The following ASIC2 variants were observed in gnomAD, a reference collection of about 807,000 sequenced individuals.
ASIC2 encodes the protein acid-sensing ion channel 2.
ASIC2 carries 25 observed loss-of-function variants against 57.3 expected under a neutral mutation model. The ratio of observed to expected loss-of-function variants is 0.44; its 90% CI spans 0.32 to 0.61. The LOEUF (loss-of-function observed/expected upper bound fraction) is 0.61, where lower values mean the gene tolerates loss of function less well. Ranked by LOEUF, ASIC2 falls within the 20% of genes least tolerant of loss-of-function variation. The pLI is 0.06. For synonymous variants in ASIC2, 319 were observed against 307.5 expected (o/e 1.04, Z -0.39); for missense variants, 641 against 738.1 (o/e 0.87, Z 1.52).
At chr17:34,099,453 G>A (rs1386478091) in intron 1 of ASIC2, among the ~76,000 whole-genome samples, 1 of 83,478 alleles carries the variant, frequency 1.2e-5, no homozygotes, top group Non-Finnish European at 2.8e-5. Flanking sequence ...GAGAAAGAAA[G>A]AAAAGAAAGA....
chr17:33,666,787 T>C (rs1379059631), intron 1 of ASIC2, among the ~76,000 whole-genome samples: 1 of 152,182 alleles, frequency 6.6e-6, no homozygotes, highest in Non-Finnish European at 1.5e-5. Context: ...AGCATGGTTC[T>C]AGGGAGTTGC....
chr17:33,579,020 T>C (rs1916755730), intron 1 of ASIC2, among the ~76,000 whole-genome samples: 1 of 152,116 alleles, frequency 6.6e-6, no homozygotes, highest in Non-Finnish European at 1.5e-5. Context: ...GTGCGCTGTC[T>C]CACTCCTGTA....
intron 1 of ASIC2, among the ~76,000 whole-genome samples, chr17:33,258,418 G>C (rs1478473900): frequency 6.6e-6 from 1 of 152,238 alleles, no homozygotes; most frequent in Non-Finnish European, 1.5e-5. Context: ...GACAGAGAAG[G>C]AGGATGGGTA....
intron 1 of ASIC2, among the ~76,000 whole-genome samples, chr17:34,108,965 T>C (rs767674138): frequency 1.3e-5 from 2 of 152,048 alleles, no homozygotes; most frequent in African/African-American, 4.8e-5. Flanking sequence ...TTAGTGGTGT[T>C]TGCATGGAAT....
Position 33,983,485 on chromosome 17 carries a change from G to A in ASIC2, c.555+172493C>T, listed in dbSNP as rs182400290. Among the ~76,000 whole-genome samples, 380 of 152,274 alleles carry A rather than the reference G, an allele frequency of 2.5e-3. 3 individuals carry two copies. The highest frequency in any genetic ancestry group is 7.3e-3 in the African/African-American group (304 of 41,558). The stretch of plus-strand genomic sequence containing the variant: ...AGTTTCGATGACGTTTGGGCCTCAG[G>A]TACCAGATATGGAGCCAGAAAAACA... On this transcript the variant is annotated intron_variant, in intron 1 of 9. Transcript: ENST00000359872.
intron 1 of ASIC2, among the ~76,000 whole-genome samples, chr17:33,898,157 T>C (rs572000938): frequency 6.6e-6 from 1 of 151,968 alleles, no homozygotes; most frequent in South Asian, 2.1e-4. Flanking sequence ...TTTTTACTTT[T>C]TATTTGGAAT....
chr17:33,732,270 G>A (rs755515268), intron 1 of ASIC2, among the ~76,000 whole-genome samples: 1 of 152,142 alleles, frequency 6.6e-6, no homozygotes, highest in African/African-American at 2.4e-5. Context: ...TTCAATGGAA[G>A]GCCAGGAAGA....
intron 1 of ASIC2, among the ~76,000 whole-genome samples, chr17:33,937,764 G>A (rs747091258): frequency 2.0e-5 from 3 of 152,156 alleles, no homozygotes; most frequent in African/African-American, 4.8e-5. Flanking sequence ...AAAGAGCCAC[G>A]GATATTTAAT....
At chr17:33,088,715 G>T in intron 3 of ASIC2, 148 bp downstream of exon 3, 1 of 1,175,172 alleles carries the variant, frequency 8.5e-7, no homozygotes, top group Non-Finnish European at 1.1e-6. Context: ...TGGTACAGGA[G>T]AACTGGTGAC....
intron 1 of ASIC2, among the ~76,000 whole-genome samples, chr17:33,863,502 G>A (rs1342181844): frequency 6.6e-6 from 1 of 152,214 alleles, no homozygotes; most frequent in Non-Finnish European, 1.5e-5. Context: ...GACTCTGGAA[G>A]CATTAAGCAG....
intron 1 of ASIC2, among the ~76,000 whole-genome samples, chr17:33,747,222 C>CTTTTTTTTTTTTTT: frequency 8.6e-6 from 1 of 116,810 alleles, no homozygotes; most frequent in Non-Finnish European, 1.7e-5. Context: ...ATCCAGCCGT[C>CTTTTTTTTTTTTTT]TTTTTTTTTT....
At chr17:33,671,913 C>A (rs1907651296) in intron 1 of ASIC2, among the ~76,000 whole-genome samples, 1 of 152,158 alleles carries the variant, frequency 6.6e-6, no homozygotes, top group Admixed American at 6.5e-5. Flanking sequence ...ATTCCAGCCA[C>A]TTTCTGTGAT....
At chr17:33,466,439 C>G (rs1912865877) in intron 1 of ASIC2, among the ~76,000 whole-genome samples, 2 of 152,098 alleles carry the variant, frequency 1.3e-5, no homozygotes, top group Admixed American at 1.3e-4. Flanking sequence ...AGATTCGATG[C>G]CATCCCCGTC....
chr17:33,161,142 A>G (rs1011805205), intron 1 of ASIC2, among the ~76,000 whole-genome samples: 2 of 152,196 alleles, frequency 1.3e-5, no homozygotes, highest in African/African-American at 4.8e-5. Context: ...AGAATCAGGA[A>G]TTGGCTGTCT....
chr17:33,613,300 A>C (rs1905473808), intron 1 of ASIC2, among the ~76,000 whole-genome samples: 1 of 151,632 alleles, frequency 6.6e-6, no homozygotes, highest in Non-Finnish European at 1.5e-5. Flanking sequence ...GCCTCTGCTC[A>C]AAACTGGATA....
At chr17:33,696,389 A>G (rs1319611629) in intron 1 of ASIC2, among the ~76,000 whole-genome samples, 1 of 152,210 alleles carries the variant, frequency 6.6e-6, no homozygotes, top group African/African-American at 2.4e-5. Flanking sequence ...GCAAAGAGAC[A>G]CATTTATTCA....
intron 1 of ASIC2, among the ~76,000 whole-genome samples, chr17:33,924,828 A>G (rs1423379316): frequency 1.3e-5 from 2 of 152,152 alleles, no homozygotes; most frequent in East Asian, 1.9e-4. Flanking sequence ...GTTACCCTCA[A>G]CTGGAACCCA....
intron 1 of ASIC2, among the ~76,000 whole-genome samples, chr17:33,253,416 G>A (rs1908952990): frequency 6.6e-6 from 1 of 152,186 alleles, no homozygotes; most frequent in Admixed American, 6.5e-5. Context: ...AGTTATAGGA[G>A]CTAGACCAGA....
chr17:33,260,612 C>T (rs880306), intron 1 of ASIC2, among the ~76,000 whole-genome samples: 1 of 152,000 alleles, frequency 6.6e-6, no homozygotes, highest in South Asian at 2.1e-4. Context: ...CGCTTTTTCT[C>T]GAGAGGTCTT....
Sources: allele counts gnomAD v4.1 joint callset (sites outside exome capture counted in the v4.1 genomes callset), GRCh38; gene constraint gnomAD v4.1.1; transcripts MANE v1.5; gene names NCBI Gene and HGNC (gene_info 2026-07-23, HGNC 2026-07-21).